Variants in LPA observed in about 807,000 individuals in gnomAD.
The protein encoded by LPA is lipoprotein(a).
LPA carries 199 observed loss-of-function variants against 197.9 expected under a neutral mutation model. The ratio of observed to expected loss-of-function variants is 1.01; its 90% CI spans 0.90 to 1.13. The LOEUF (loss-of-function observed/expected upper bound fraction) is 1.13. Ranked by LOEUF, LPA falls within the 50% of genes most tolerant of loss-of-function variation. LPA has a pLI of 0.00. For missense variants in LPA, 1,853 were observed against 1,785.8 expected, an observed-to-expected ratio of 1.04 and a Z score of -0.68; for synonymous variants, 715 against 639.5, an observed-to-expected ratio of 1.12 and a Z score of -1.78.
intron 37 of LPA, among the ~76,000 whole-genome samples, chr6:160,537,361 A>T (rs1456343470): frequency 1.3e-5 from 2 of 151,870 alleles, no homozygotes; most frequent in African/African-American, 4.9e-5. Flanking sequence ...CCTCACACAC[A>T]CATTAGACAT....
At chr6:160,542,222 T>G (rs1289655456) in intron 34 of LPA, among the ~76,000 whole-genome samples, 1 of 152,194 alleles carries the variant, frequency 6.6e-6, no homozygotes, top group Non-Finnish European at 1.5e-5. Flanking sequence ...TGTGAATAGA[T>G]GAATAGCCTC....
intron 18 of LPA, among the ~76,000 whole-genome samples, chr6:160,603,235 T>C (rs531471281): frequency 1.4e-5 from 2 of 143,436 alleles, no homozygotes; most frequent in Non-Finnish European, 3.0e-5. Context: ...TTTGTGGAGG[T>C]GTGTGTGTGT....
At chr6:160,557,299 G>C in intron 29 of LPA, 91 bp downstream of exon 29, 1 of 1,452,200 alleles carries the variant, frequency 6.9e-7, no homozygotes, top group Non-Finnish European at 9.7e-7. Context: ...AAGTTTCTGT[G>C]TAGCATGGAA....
intron 16 of LPA, among the ~76,000 whole-genome samples, chr6:160,608,817 G>GATT (rs1779416800): frequency 8.3e-6 from 1 of 120,130 alleles, no homozygotes; most frequent in East Asian, 2.3e-4. Flanking sequence ...ATTTCTTGAG[G>GATT]GTTGTGTGTG....
At chr6:160,662,022 G>A (rs1000654842) in intron 1 of LPA, among the ~76,000 whole-genome samples, 1 of 152,094 alleles carries the variant, frequency 6.6e-6, no homozygotes, top group African/African-American at 2.4e-5. Flanking sequence ...ATGCTTCATA[G>A]AGCATCACTG....
intron 1 of LPA, among the ~76,000 whole-genome samples, chr6:160,655,148 T>C (rs1006092086): frequency 3.9e-5 from 6 of 152,354 alleles, no homozygotes; most frequent in Admixed American, 6.5e-5. Flanking sequence ...CAGTTCATGA[T>C]AGGCAGGTTC....
At chr6:160,653,212 T>C (rs576986883) in intron 1 of LPA, among the ~76,000 whole-genome samples, 17 of 152,094 alleles carry the variant, frequency 1.1e-4, no homozygotes, top group Admixed American at 1.1e-3. Flanking sequence ...ATGATAAAGG[T>C]CATCATCAAG....
chr6:160,594,140 C>G, intron 21 of LPA, 23 bp from the exon 22 acceptor site: 4 of 1,613,508 alleles, frequency 2.5e-6, no homozygotes, highest in Non-Finnish European at 3.4e-6. Context: ...GAGGAGAAAT[C>G]AAGCTGAGTA....
At chr6:160,556,539 T>C (rs1294106777) in intron 29 of LPA, among the ~76,000 whole-genome samples, 1 of 152,054 alleles carries the variant, frequency 6.6e-6, no homozygotes, top group African/African-American at 2.4e-5. Context: ...TGTATGGTGA[T>C]TGGCTGTCAG....
At chr6:160,544,250 G>A (rs551898041) in intron 33 of LPA, among the ~76,000 whole-genome samples, 1 of 152,240 alleles carries the variant, frequency 6.6e-6, no homozygotes, top group East Asian at 1.9e-4. Context: ...GTGAGAGGCA[G>A]TGGCGTGTAC....
intron 28 of LPA, among the ~76,000 whole-genome samples, chr6:160,573,473 G>C (rs1267587104): frequency 1.3e-5 from 2 of 151,796 alleles, no homozygotes; most frequent in Non-Finnish European, 2.9e-5. Context: ...TGGATCCATT[G>C]CTGGTGAACT....
At chr6:160,590,775 T>G (rs1779009534) in intron 23 of LPA, among the ~76,000 whole-genome samples, 169 bp downstream of exon 23, 2 of 152,072 alleles carry the variant, frequency 1.3e-5, no homozygotes, top group African/African-American at 4.8e-5. Flanking sequence ...GCCAAAAATC[T>G]CAGCCCTGGT....
intron 28 of LPA, among the ~76,000 whole-genome samples, chr6:160,570,774 T>G (rs1380181977): frequency 6.6e-6 from 1 of 152,228 alleles, no homozygotes; most frequent in Non-Finnish European, 1.5e-5. Flanking sequence ...CTCAACATTT[T>G]TTTCCTTCAT....
At chr6:160,558,325 T>C (rs1267765916) in intron 28 of LPA, among the ~76,000 whole-genome samples, 1 of 152,162 alleles carries the variant, frequency 6.6e-6, no homozygotes, top group Non-Finnish European at 1.5e-5. Context: ...TATATATTAC[T>C]TCAGGGAAGA....
At position 160,577,192 on chromosome 6, in the gene LPA, A is replaced by T. The variant is rs763516101; in HGVS notation, c.4575T>A (p.Ser1525=). 1.2e-6 allele frequency: 2 copies of T among 1,613,974 alleles called. No individual in the cohort carries two copies. The highest frequency in any genetic ancestry group is 2.2e-5 in the South Asian group (2 of 91,068). ...GCCAGTGTGGTATCATAGATGACCAAGATTGACAGGTCCTTCCTGTGACAG... is the reference window on the plus strand; with the variant it reads ...GCCAGTGTGGTATCATAGATGACCATGATTGACAGGTCCTTCCTGTGACAG... The part of the protein sequence containing the change: ...STTVTGRTCQ[S]WSSMIPHWHQ... The change falls in exon 28 of 39, where the codon TCT becomes TCA. Residue 1525 remains serine (S), a synonymous_variant. Coordinates refer to ENST00000316300, the MANE Select transcript of LPA (RefSeq NM_005577.4).
At chr6:160,553,954 T>TGTGTGTGTGTTGTGTGC (rs771903485) in intron 30 of LPA, among the ~76,000 whole-genome samples, 1 of 130,748 alleles carries the variant, frequency 7.6e-6, no homozygotes, top group African/African-American at 3.0e-5. Flanking sequence ...TGTGTGTGTG[T>TGTGTGTGTGTTGTGTGC]GCGCGCGCGC....
intron 30 of LPA, among the ~76,000 whole-genome samples, chr6:160,555,455 A>ATATATATATATATATATGTG (rs1287454419): frequency 3.8e-5 from 5 of 133,082 alleles, no homozygotes; most frequent in African/African-American, 1.4e-4. Context: ...ATATATATAT[A>ATATATATATATATATATGTG]TGTGTGTGTA....
At chr6:160,599,726 A>G (rs1177665435) in intron 19 of LPA, 67 bp from the exon 20 acceptor site, 2 of 1,580,592 alleles carry the variant, frequency 1.3e-6, no homozygotes, top group Non-Finnish European at 8.7e-7. Flanking sequence ...GAAGCCATTT[A>G]TGACATAAAC....
chr6:160,610,862 C>A lies in LPA; in HGVS notation c.2603+700G>T, dbSNP rs9355815. Among the ~76,000 whole-genome samples, 258 of 152,100 alleles carry A rather than the reference C, an allele frequency of 1.7e-3. 3 individuals carry two copies. The highest frequency in any genetic ancestry group is 5.8e-3 in the African/African-American group (240 of 41,460). On this transcript the variant is annotated intron_variant, in intron 16 of 38. Transcript: ENST00000316300. ...TCTCTCAATTCTCTAGGTCCTCTAC[C>A]ATCTGTTGTCCCACATGTAGAAACC...
Sources: allele counts gnomAD v4.1 joint callset (sites outside exome capture counted in the v4.1 genomes callset), GRCh38; gene constraint gnomAD v4.1.1; transcripts MANE v1.5; gene names NCBI Gene and HGNC (gene_info 2026-07-23, HGNC 2026-07-21).